Variants in TRPM3 observed in about 807,000 individuals in gnomAD.
TRPM3 encodes transient receptor potential cation channel subfamily M member 3, also known as long transient receptor potential channel 3.
A neutral mutation model predicts 181.2 loss-of-function variants in TRPM3; 77 were observed. The ratio of observed to expected loss-of-function variants is 0.42; its 90% CI spans 0.35 to 0.51. TRPM3 has a LOEUF of 0.51. TRPM3 is among the 20% of genes least tolerant of loss of function. The pLI, the probability that TRPM3 is intolerant of heterozygous loss-of-function variation, is 0.01. For missense variants in TRPM3, 1,759 were observed against 2,196.7 expected (o/e 0.80, Z 3.98); for synonymous variants, 745 against 796.4 (o/e 0.94, Z 1.09).
intron 1 of TRPM3, among the ~76,000 whole-genome samples, chr9:70,948,128 T>G: frequency 6.6e-6 from 1 of 152,166 alleles, no homozygotes; most frequent in East Asian, 1.9e-4. Context: ...TTTTTTTTTT[T>G]TTTGTCTTTC....
intron 1 of TRPM3, 29 bp from the exon 2 acceptor site, chr9:70,864,540 A>AG: frequency 7.1e-7 from 1 of 1,410,678 alleles, no homozygotes; most frequent in Non-Finnish European, 9.4e-7. Context: ...AAAAAAAAAA[A>AG]AGAAAAAAGA....
intron 1 of TRPM3, among the ~76,000 whole-genome samples, chr9:71,191,999 G>C (rs1329727174): frequency 2.6e-5 from 4 of 151,674 alleles, no homozygotes; most frequent in Non-Finnish European, 5.9e-5. Flanking sequence ...TTACTTTCTT[G>C]CTCTGCTTTT....
chr9:71,140,077 C>T (rs558037744), intron 1 of TRPM3, among the ~76,000 whole-genome samples: 7 of 152,176 alleles, frequency 4.6e-5, no homozygotes, highest in African/African-American at 1.7e-4. Flanking sequence ...GAGGGAGAGG[C>T]CTAGAGAAAG....
Position 70,534,502 on chromosome 9 carries a change from T to C in TRPM3, c.*1451A>G, listed in dbSNP as rs936997794. 6.6e-6 allele frequency: 1 copy of C among 152,226 alleles called. No homozygotes were observed. The highest frequency in any genetic ancestry group is 2.1e-4 in the South Asian group (1 of 4,834). 9.4% of individuals were successfully genotyped at this position (152,226 alleles called of 1,614,324 possible). A position where few individuals can be genotyped will look rare whatever the true frequency, so the allele number is the denominator to read the frequency against. On this transcript the variant is annotated 3_prime_UTR_variant, in exon 26 of 26. Transcript: ENST00000677713. Reference sequence around the variant, plus strand: ...GCTCTTTATGTCCATTTATTTTATATATAAATATGTGTCTCTGCATAAATG... The same window carrying C: ...GCTCTTTATGTCCATTTATTTTATACATAAATATGTGTCTCTGCATAAATG...
chr9:70,758,255 T>C (rs1449804214), intron 8 of TRPM3, among the ~76,000 whole-genome samples: 1 of 152,100 alleles, frequency 6.6e-6, no homozygotes, highest in African/African-American at 2.4e-5. Flanking sequence ...ATAAAATACC[T>C]AGGAATCCAA....
intron 21 of TRPM3, among the ~76,000 whole-genome samples, chr9:70,594,863 G>A (rs1371853637): frequency 1.3e-5 from 2 of 152,174 alleles, no homozygotes; most frequent in African/African-American, 4.8e-5. Flanking sequence ...ATTTTCTTAA[G>A]TTCCAGCCTG....
At chr9:71,289,065 C>T (rs1250597301) in intron 1 of TRPM3, among the ~76,000 whole-genome samples, 1 of 151,994 alleles carries the variant, frequency 6.6e-6, no homozygotes, top group Non-Finnish European at 1.5e-5. Context: ...ACGTGTAGCA[C>T]CTCTAATGCC....
chr9:70,654,302 C>T (rs2059979218), intron 9 of TRPM3, among the ~76,000 whole-genome samples: 1 of 152,058 alleles, frequency 6.6e-6, no homozygotes, highest in Admixed American at 6.5e-5. Flanking sequence ...CAAAAGGTGC[C>T]CCTGGGTGAC....
chr9:70,673,020 C>T (rs1488437651), intron 9 of TRPM3, among the ~76,000 whole-genome samples: 1 of 152,090 alleles, frequency 6.6e-6, no homozygotes, highest in African/African-American at 2.4e-5. Flanking sequence ...CTTCCAAAGC[C>T]TAATGTATGC....
intron 1 of TRPM3, among the ~76,000 whole-genome samples, chr9:70,921,593 A>G (rs1005022022): frequency 6.6e-5 from 10 of 152,310 alleles, no homozygotes; most frequent in South Asian, 2.1e-4. Context: ...TTTAGACTCA[A>G]GTGAGTCTCT....
intron 1 of TRPM3, among the ~76,000 whole-genome samples, chr9:70,866,956 G>A (rs1334872928): frequency 1.3e-5 from 2 of 151,964 alleles, no homozygotes; most frequent in Non-Finnish European, 2.9e-5. Flanking sequence ...TACCCACTCT[G>A]CTAAATTGCC....
intron 1 of TRPM3, among the ~76,000 whole-genome samples, chr9:70,955,446 C>A (rs1537998): frequency 0.76 from 116,122 of 152,156 alleles, 44,719 homozygotes; most frequent in African/African-American, 0.83. Context: ...GTAGAAGTTA[C>A]CATGTCTCTA....
chr9:70,620,368 G>A lies in TRPM3; in HGVS notation c.1840-3C>T, dbSNP rs1346512337. On this transcript the variant is annotated splice_polypyrimidine_tract_variant and splice_region_variant and intron_variant, in intron 15 of 25. Transcript: ENST00000677713. ...CCTCGCCTCAAGGGAATATCATCCTGTAATTACAGGGAAACCACACAGACT... is the reference window on the plus strand; with the variant it reads ...CCTCGCCTCAAGGGAATATCATCCTATAATTACAGGGAAACCACACAGACT... The A allele has an allele frequency of 1.2e-6, 2 of 1,602,806 alleles. No homozygotes were observed. Among genetic ancestry groups the A allele is most frequent in the Admixed American group, 1.7e-5 (1 of 59,646 alleles).
At chr9:71,330,100 C>T (rs1240786440) in intron 1 of TRPM3, among the ~76,000 whole-genome samples, 17 of 151,564 alleles carry the variant, frequency 1.1e-4, no homozygotes, top group Non-Finnish European at 1.5e-5. Context: ...CATAGCACCC[C>T]AAAAATGTAT....
chr9:70,844,312 CA>C (rs1312921400), intron 4 of TRPM3, among the ~76,000 whole-genome samples: 1 of 152,110 alleles, frequency 6.6e-6, no homozygotes. Context: ...GTTTAAAAAG[CA>C]AATAACAAAA....
chr9:70,830,617 G>A (rs2093829646), intron 5 of TRPM3, among the ~76,000 whole-genome samples: 1 of 152,182 alleles, frequency 6.6e-6, no homozygotes, highest in African/African-American at 2.4e-5. Flanking sequence ...TAAGTAAAGT[G>A]TCCTAATTTA....
In TRPM3 at chr9:70,537,223, G is replaced by C. The variant is rs1165409267; in HGVS notation, c.3890C>G (p.Thr1297Ser). ...GGCGGCGTCCGTGCAGTCTGACGAGGTCCTCGAGCGGATTTTGTTGGACTC... is the reference window on the plus strand; with the variant it reads ...GGCGGCGTCCGTGCAGTCTGACGAGCTCCTCGAGCGGATTTTGTTGGACTC... ...RAESNKIRSR[T>S]SSDCTDAAYI... Residue 1297 changes from threonine to serine, a missense_variant, in exon 26 of 26, where the codon ACC (threonine) becomes AGC (serine). By Grantham distance (58) the Thr-to-Ser change is moderately conservative (BLOSUM62 1). Around this residue, in one of 8 missense-constraint regions of TRPM3, gnomAD observed 612 missense variants for 590.0 expected, o/e 1.04. Coordinates refer to ENST00000677713, the MANE Select transcript of TRPM3 (RefSeq NM_001366145.2). 6.3e-7 allele frequency: 1 copy of C among 1,597,582 alleles called. No individual in the cohort carries two copies. Among genetic ancestry groups the C allele is most frequent in the Non-Finnish European group, 8.6e-7 (1 of 1,168,010 alleles).
intron 1 of TRPM3, among the ~76,000 whole-genome samples, chr9:71,255,390 T>G (rs1474457347): frequency 6.6e-6 from 1 of 152,178 alleles, no homozygotes; most frequent in Non-Finnish European, 1.5e-5. Flanking sequence ...AGATTGTGAT[T>G]CATATAATAC....
chr9:70,575,351 C>A (rs1040665330), intron 22 of TRPM3, among the ~76,000 whole-genome samples: 1 of 152,134 alleles, frequency 6.6e-6, no homozygotes. Context: ...CTTACATGTA[C>A]CCTACTTCAT....
Sources: gnomAD v4.1 joint callset for allele counts (sites outside exome capture counted in the v4.1 genomes callset) on GRCh38, gnomAD v4.1.1 for gene constraint, gnomAD v4.1.1 regional missense constraint, MANE v1.5 for transcripts, NCBI Gene and HGNC (gene_info 2026-07-23, HGNC 2026-07-21) for gene names.